RANBP2: variants seen among roughly 807,000 people sequenced by gnomAD.
RANBP2 encodes the protein RAN binding protein 2.
Under a neutral mutation model 303.6 loss-of-function variants are expected in RANBP2, and 57 were observed. The observed-to-expected ratio is 0.19, with a 90% CI of 0.15 to 0.23. RANBP2 has a LOEUF of 0.23. RANBP2 is among the 10% of genes least tolerant of loss of function. The pLI, the probability that RANBP2 is intolerant of heterozygous loss-of-function variation, is 1.00. For missense variants in RANBP2, 3,138 were observed against 3,780.8 expected (o/e 0.83, Z 4.46); for synonymous variants, 1,167 against 1,301.5 (o/e 0.90, Z 2.23).
At chr2:109,620,408 A>G in the RANBP2 span, among the ~76,000 whole-genome samples, 7 of 152,216 alleles carry the variant, frequency 4.6e-5, no homozygotes, top group African/African-American at 1.7e-4. Flanking sequence ...AAATTTGATT[A>G]TAAGAAAATT....
the RANBP2 span, among the ~76,000 whole-genome samples, chr2:109,683,157 C>G: frequency 6.6e-6 from 1 of 152,170 alleles, no homozygotes; most frequent in Non-Finnish European, 1.5e-5. Flanking sequence ...AGGTGCCTGC[C>G]ACCAGGCCCA....
At chr2:108,992,875 A>G in the RANBP2 span, among the ~76,000 whole-genome samples, 24 of 152,052 alleles carry the variant, frequency 1.6e-4, no homozygotes, top group Non-Finnish European at 3.1e-4. Flanking sequence ...TGCTTTCCTA[A>G]AATGCGTTTG....
chr2:109,513,721 AGG>A, the RANBP2 span, among the ~76,000 whole-genome samples: 1 of 152,146 alleles, frequency 6.6e-6, no homozygotes, highest in African/African-American at 2.4e-5. Context: ...GGAAGGAGGG[AGG>A]TGGGTGCCCA....
At chr2:108,924,420 G>A in the RANBP2 span, among the ~76,000 whole-genome samples, 1 of 152,220 alleles carries the variant, frequency 6.6e-6, no homozygotes, top group Non-Finnish European at 1.5e-5. Context: ...CAAATGCTCA[G>A]CGGAGAGCAT....
the RANBP2 span, among the ~76,000 whole-genome samples, chr2:109,595,459 T>C: frequency 2.0e-5 from 3 of 152,206 alleles, no homozygotes; most frequent in Admixed American, 6.5e-5. Context: ...CCAGTCATCA[T>C]GTGGTACCTA....
the RANBP2 span, among the ~76,000 whole-genome samples, chr2:109,697,866 T>C: frequency 6.7e-6 from 1 of 150,350 alleles, no homozygotes; most frequent in Non-Finnish European, 1.5e-5. Context: ...AAGTTTTTTT[T>C]TTTTTTTTTT....
chr2:109,123,674 C>G, the RANBP2 span, among the ~76,000 whole-genome samples: 1 of 152,220 alleles, frequency 6.6e-6, no homozygotes, highest in Admixed American at 6.5e-5. Flanking sequence ...CCTCAATTTC[C>G]TCACTTGTGA....
the RANBP2 span, chr2:108,911,175 G>T: frequency 1.4e-6 from 2 of 1,418,398 alleles, no homozygotes; most frequent in South Asian, 1.2e-5. Context: ...CCCCTGGGAT[G>T]CTTTCAGGGA....
chr2:109,229,629 GC>G, the RANBP2 span, among the ~76,000 whole-genome samples: 1 of 152,124 alleles, frequency 6.6e-6, no homozygotes, highest in Admixed American at 6.5e-5. Flanking sequence ...GGAATTGGCA[GC>G]CCCTCCAGGG....
the RANBP2 span, among the ~76,000 whole-genome samples, chr2:109,342,066 T>C: frequency 6.6e-6 from 1 of 152,222 alleles, no homozygotes; most frequent in Non-Finnish European, 1.5e-5. Flanking sequence ...CTGACACTTT[T>C]CTGCTGGCCA....
At chr2:109,392,249 G>C in the RANBP2 span, among the ~76,000 whole-genome samples, 1 of 152,268 alleles carries the variant, frequency 6.6e-6, no homozygotes, top group South Asian at 2.1e-4. Context: ...AAGAGGGGAA[G>C]GGCCTCCTCG....
At position 108,764,539 on chromosome 2, in the gene RANBP2, A is replaced by G; in HGVS notation, c.4000A>G (p.Ile1334Val). 6.2e-7 allele frequency: 1 copy of G among 1,614,004 alleles called. No individual in the cohort carries two copies. The highest frequency in any genetic ancestry group is 8.5e-7 in the Non-Finnish European group (1 of 1,179,958). The change falls in exon 20 of 29, where the codon ATT (isoleucine) becomes GTT (valine). Residue 1334 changes from isoleucine (I) to valine (V), a missense_variant. Physicochemically the swap from Ile to Val is conservative, Grantham distance 29. Coordinates refer to ENST00000283195, the MANE Select transcript of RANBP2 (RefSeq NM_006267.5). ...KEPTSHDNKD[I>V]CKSDAGNLNF... Reference sequence around the variant, plus strand: ...ACCCACAAGTCATGATAACAAGGATATTTGCAAATCTGATGCTGGAAACCT... The same window carrying G: ...ACCCACAAGTCATGATAACAAGGATGTTTGCAAATCTGATGCTGGAAACCT...
chr2:109,154,501 C>T, the RANBP2 span, among the ~76,000 whole-genome samples: 11 of 152,356 alleles, frequency 7.2e-5, no homozygotes, highest in African/African-American at 2.6e-4. Flanking sequence ...TCGAGGCTTC[C>T]TCAGCTGGCT....
chr2:109,696,894 C>T, the RANBP2 span, among the ~76,000 whole-genome samples: 1 of 152,152 alleles, frequency 6.6e-6, no homozygotes, highest in Non-Finnish European at 1.5e-5. Context: ...CCTCCTACCT[C>T]AGTCTCCTGA....
At chr2:109,300,275 G>A in the RANBP2 span, among the ~76,000 whole-genome samples, 1 of 152,164 alleles carries the variant, frequency 6.6e-6, no homozygotes, top group African/African-American at 2.4e-5. Context: ...CACCTCCAGG[G>A]TTCAAGCAGT....
chr2:109,700,995 C>T, the RANBP2 span, among the ~76,000 whole-genome samples: 1 of 152,162 alleles, frequency 6.6e-6, no homozygotes, highest in Non-Finnish European at 1.5e-5. Context: ...GAGGGAGGTT[C>T]AGCCTCACAG....
chr2:109,672,786 A>G, the RANBP2 span, among the ~76,000 whole-genome samples: 3 of 152,368 alleles, frequency 2.0e-5, no homozygotes, highest in South Asian at 2.1e-4. Flanking sequence ...ACAAATATGC[A>G]TAAGTATCAA....
the RANBP2 span, among the ~76,000 whole-genome samples, chr2:109,344,990 G>A: frequency 5.9e-5 from 9 of 152,294 alleles, no homozygotes; most frequent in African/African-American, 2.2e-4. Context: ...CAGTGAAGGG[G>A]GGTGTCAGGG....
the RANBP2 span, among the ~76,000 whole-genome samples, chr2:109,283,546 A>T: frequency 1.3e-5 from 2 of 151,976 alleles, no homozygotes; most frequent in African/African-American, 2.4e-5. Context: ...CCCAGGGCCG[A>T]GGTAAGATCC....
Sources: allele counts gnomAD v4.1 joint callset (sites outside exome capture counted in the v4.1 genomes callset), GRCh38; gene constraint gnomAD v4.1.1; transcripts MANE v1.5; gene names NCBI Gene and HGNC (gene_info 2026-07-23, HGNC 2026-07-21).